COL11A2: variants seen among roughly 807,000 people sequenced by gnomAD.
The protein encoded by COL11A2 is collagen type XI alpha 2 chain.
COL11A2 carries 116 observed loss-of-function variants against 273.4 expected under a neutral mutation model. The observed-to-expected ratio is 0.42, with a 90% CI of 0.36 to 0.49. The LOEUF (loss-of-function observed/expected upper bound fraction) is 0.49, where lower values mean the gene tolerates loss of function less well. Ranked by LOEUF, COL11A2 falls within the 20% of genes least tolerant of loss-of-function variation. COL11A2 has a pLI of 0.00. For synonymous variants in COL11A2, 782 were observed against 864.2 expected (o/e 0.90, Z 1.67); for missense variants, 1,866 against 2,309.0 (o/e 0.81, Z 3.93).
chr6:33,164,542 G>A lies in COL11A2; in HGVS notation c.4864-69C>T, dbSNP rs1768813957. 10 of 1,318,852 alleles carry A rather than the reference G, an allele frequency of 7.6e-6. No homozygotes were observed. Among genetic ancestry groups the A allele is most frequent in the South Asian group, 4.4e-5 (3 of 68,162 alleles). The allele number at this position is 1,318,852 out of a possible 1,614,324, so 81.7% of individuals were successfully genotyped here. On this transcript the variant is annotated intron_variant, in intron 64 of 65. Coordinates refer to ENST00000341947, the MANE Select transcript of COL11A2 (RefSeq NM_080680.3). The surrounding 1 kb of genome is among the most constrained non-coding windows in gnomAD (Gnocchi z 4.7). ...GCTGGCCTCAGAGGGAGACAGAGAC[G>A]GGCCTCAGGAGCATCTACGGCACCA...
rs1562340237 is a variant in COL11A2, at chr6:33,173,830, T to C, written c.2583+43A>G. The C allele has an allele frequency of 6.2e-7, 1 of 1,612,876 alleles. No individual in the cohort carries two copies. On this transcript the variant is annotated intron_variant, in intron 34 of 65. Coordinates refer to ENST00000341947, the MANE Select transcript of COL11A2 (RefSeq NM_080680.3). This position sits in a 1 kb window ranked among gnomAD's most constrained non-coding sequence, Gnocchi z 6.3. ...CAGGATGTTGAGGGAGAGCTGGGGCTGAGTGGGCAGGGGGCAGTTGGAGCC... is the reference window on the plus strand; with the variant it reads ...CAGGATGTTGAGGGAGAGCTGGGGCCGAGTGGGCAGGGGGCAGTTGGAGCC...
chr6:33,188,975 T>C lies in COL11A2; in HGVS notation c.443+3A>G. ...GGCAGACCAGAGGAGCAAACAAACT[T>C]ACTTGCCATCTGCTAGGCTGAGGCC... On this transcript the variant is annotated splice_donor_region_variant and intron_variant, in intron 3 of 65. Coordinates refer to ENST00000341947, the MANE Select transcript of COL11A2 (RefSeq NM_080680.3). 1 of 1,614,170 alleles carries C rather than the reference T, an allele frequency of 6.2e-7. No individual in the cohort carries two copies. The highest frequency in any genetic ancestry group is 1.1e-5 in the South Asian group (1 of 91,086).
At chr6:33,172,442 G>GC (rs553521455) in intron 39 of COL11A2, 64 bp from the exon 40 acceptor site, 22 of 1,551,260 alleles carry the variant, frequency 1.4e-5, no homozygotes, top group Admixed American at 1.8e-5. Flanking sequence ...GAGCTCTCCA[G>GC]CCCCCCCTCA....
chr6:33,177,239 AAG>A lies in COL11A2; in HGVS notation c.1972-16_1972-15del, dbSNP rs769471035. 2.5e-6 allele frequency: 4 copies of A among 1,612,916 alleles called. No homozygotes were observed. On this transcript the variant is annotated splice_polypyrimidine_tract_variant and intron_variant, in intron 23 of 65. Transcript: ENST00000341947. The surrounding 1 kb of genome is among the most constrained non-coding windows in gnomAD (Gnocchi z 5.9). The stretch of plus-strand genomic sequence containing the variant: ...CCCGGGAAGACCCTACATACAGGGA[AAG>A]AGAAGTCACAGGGGCCTCCCAGGGT...
At position 33,188,407 on chromosome 6, in the gene COL11A2, T is replaced by A. The variant is rs1287181831; in HGVS notation, c.561A>T (p.Gly187=). The change falls in exon 4 of 66, where the codon GGA becomes GGT. Residue 187 remains glycine, a synonymous_variant. Coordinates refer to ENST00000341947, the MANE Select transcript of COL11A2 (RefSeq NM_080680.3). ...RSARPVLDTH[G]VIIFGARILD... is the part of the protein sequence containing the mutation. ...GAATACGGGCACCAAAGATGATCAC[T>A]CCATGGGTGTCCAATACTGGACGAG... The A allele has an allele frequency of 3.7e-6, 6 of 1,612,854 alleles. No homozygotes were observed. The highest frequency in any genetic ancestry group is 4.2e-6 in the Non-Finnish European group (5 of 1,180,024).
At position 33,178,767 on chromosome 6, in the gene COL11A2, G is replaced by C. The variant is rs768226038; in HGVS notation, c.1666-35C>G. 11 of 1,611,994 alleles carry C rather than the reference G, an allele frequency of 6.8e-6. No individual in the cohort carries two copies. Among genetic ancestry groups the C allele is most frequent in the Non-Finnish European group, 9.3e-6 (11 of 1,179,370 alleles). On this transcript the variant is annotated intron_variant, in intron 17 of 65. Transcript: ENST00000341947. The surrounding 1 kb of genome is among the most constrained non-coding windows in gnomAD (Gnocchi z 4.6). Reference sequence around the variant, plus strand: ...GGAAGGATAGCCAGAGTGAGGACACGACCCTGTCCAAGCCCACCCCTCCCT... The same window carrying C: ...GGAAGGATAGCCAGAGTGAGGACACCACCCTGTCCAAGCCCACCCCTCCCT...
chr6:33,172,023 C>T, intron 41 of COL11A2, 27 bp downstream of exon 41: 1 of 1,612,922 alleles, frequency 6.2e-7, no homozygotes. Context: ...CGGGTCCTTC[C>T]TACCACTTCC....
intron 12 of COL11A2, among the ~76,000 whole-genome samples, 173 bp downstream of exon 12, chr6:33,180,085 C>G (rs1170602326): frequency 1.3e-5 from 2 of 152,214 alleles, no homozygotes; most frequent in Non-Finnish European, 2.9e-5. Flanking sequence ...TGTTCTAGGT[C>G]ACCTAATGAG....
rs893537119 is a variant in COL11A2, at chr6:33,178,260, T to C, written c.1818+48A>G. 6.2e-7 allele frequency: 1 copy of C among 1,612,746 alleles called. No individual in the cohort carries two copies. The highest frequency in any genetic ancestry group is 8.5e-7 in the Non-Finnish European group (1 of 1,179,886). On this transcript the variant is annotated intron_variant, in intron 20 of 65. Coordinates refer to ENST00000341947, the MANE Select transcript of COL11A2 (RefSeq NM_080680.3). This position sits in a 1 kb window ranked among gnomAD's most constrained non-coding sequence, Gnocchi z 4.6. ...CCCTTTAGTGCTCATGTCCCCCTCC[T>C]GGCTTCCCCAGAGCCCCCTCCCCCA...
At chr6:33,192,587 G>T, upstream of COL11A2, 1 of 433,440 alleles carries the variant, frequency 2.3e-6, no homozygotes, top group Admixed American at 3.9e-5. Flanking sequence ...CTCCACCTGG[G>T]GAGGGAGGCG....
Position 33,183,894 on chromosome 6 carries a change from A to AT in COL11A2, c.1119+250dup, listed in dbSNP as rs879868865. ...CAAGAAAGACAGGAAGTGGCTACATATTTTTTTTTTTTAATTCCCAATTGC... is the reference window on the plus strand; with the variant it reads ...CAAGAAAGACAGGAAGTGGCTACATATTTTTTTTTTTTTAATTCCCAATTGC... On this transcript the variant is annotated intron_variant, in intron 8 of 65. Transcript: ENST00000341947. 1.1e-3 allele frequency among the ~76,000 whole-genome samples: 160 copies of AT among 147,864 alleles called. 2 individuals are homozygous for AT. Among genetic ancestry groups the AT allele is most frequent in the African/African-American group, 3.4e-3 (139 of 40,588 alleles).
chr6:33,182,238 T>C (rs1256898097), intron 8 of COL11A2, among the ~76,000 whole-genome samples: 2 of 151,706 alleles, frequency 1.3e-5, no homozygotes, highest in African/African-American at 4.8e-5. Flanking sequence ...TATGCCATCG[T>C]ACTCCAGCCT....
chr6:33,181,483 C>CT (rs993073250), intron 8 of COL11A2, among the ~76,000 whole-genome samples: 17 of 151,224 alleles, frequency 1.1e-4, no homozygotes, highest in South Asian at 4.2e-4. Context: ...GTTTGTTTTT[C>CT]TTTTTTTTTG....
In COL11A2 at chr6:33,188,467, G is replaced by A. The variant is rs779601863; in HGVS notation, c.501C>T (p.Cys167=). The change falls in exon 4 of 66, where the codon TGC becomes TGT. Residue 167 remains cysteine (C), a synonymous_variant. Transcript: ENST00000341947. ...KGQSVTLIVD[C]KKRVTRPLPR... ...GGAGAGGCCGGGTGACTCGCTTCTT[G>A]CAGTCAACAATGAGGGTGACAGACT... 8.1e-6 allele frequency: 13 copies of A among 1,613,046 alleles called. No homozygotes were observed. Among genetic ancestry groups the A allele is most frequent in the Non-Finnish European group, 1.1e-5 (13 of 1,180,026 alleles).
In COL11A2 at chr6:33,178,944, C is replaced by T. The variant is rs145679043; in HGVS notation, c.1641G>A (p.Gly547=). 1.2e-6 allele frequency: 2 copies of T among 1,614,124 alleles called. No homozygotes were observed. The highest frequency in any genetic ancestry group is 1.1e-5 in the South Asian group (1 of 91,086). The change falls in exon 17 of 66, where the codon GGG becomes GGA. Residue 547 remains glycine (G), a synonymous_variant. Transcript: ENST00000341947. This position sits in a 1 kb window ranked among gnomAD's most constrained non-coding sequence, Gnocchi z 4.6. ...CCTTCACTCCAGGATCTCCAGGCAT[C>T]CCTCGGGCTCCATCAGCACCTGCCC... ...RGRAGADGAR[G]MPGDPGVKGD... is the part of the protein sequence containing the mutation.
At position 33,186,820 on chromosome 6, in the gene COL11A2, T is replaced by A. The variant is rs1280126526; in HGVS notation, c.607-2A>T. On this transcript the variant is annotated splice_acceptor_variant, in intron 4 of 65. Coordinates refer to ENST00000341947, the MANE Select transcript of COL11A2 (RefSeq NM_080680.3). LOFTEE classifies it high-confidence loss of function. Reference sequence around the variant, plus strand: ...AATGGCCAGCTCCTGGACATCACCCTGCAAAGACATGAGAGAGATGGAGCG... The same window carrying A: ...AATGGCCAGCTCCTGGACATCACCCAGCAAAGACATGAGAGAGATGGAGCG... 1.9e-6 allele frequency: 3 copies of A among 1,613,800 alleles called. No individual in the cohort carries two copies. Among genetic ancestry groups the A allele is most frequent in the Non-Finnish European group, 2.5e-6 (3 of 1,180,018 alleles).
In COL11A2 at chr6:33,164,477, G is replaced by T. The variant is rs765730479; in HGVS notation, c.4864-4C>A. On this transcript the variant is annotated splice_region_variant and splice_polypyrimidine_tract_variant and intron_variant, in intron 64 of 65. Coordinates refer to ENST00000341947, the MANE Select transcript of COL11A2 (RefSeq NM_080680.3). The surrounding 1 kb of genome is among the most constrained non-coding windows in gnomAD (Gnocchi z 4.7). Reference sequence around the variant, plus strand: ...CCTCTGAGTCCACGTAAGAGAACTGGAAGGAGAGAGAGGGCTGGCCTCAGA... The same window carrying T: ...CCTCTGAGTCCACGTAAGAGAACTGTAAGGAGAGAGAGGGCTGGCCTCAGA... 6.5e-7 allele frequency: 1 copy of T among 1,535,400 alleles called. No individual in the cohort carries two copies. The highest frequency in any genetic ancestry group is 1.4e-5 in the African/African-American group (1 of 73,024).
rs749315069 is a variant in COL11A2 at position 33,177,619 on chromosome 6, C to T, written c.1917+43G>A. The T allele has an allele frequency of 6.2e-6, 10 of 1,611,002 alleles. No homozygotes were observed. The highest frequency in any genetic ancestry group is 1.7e-4 in the Middle Eastern group (1 of 6,050). Reference sequence around the variant, plus strand: ...GCCAACAGGATGCTGGCAGGGACCTCGGGGGATAAGAATGGGGGTGGGATC... The same window carrying T: ...GCCAACAGGATGCTGGCAGGGACCTTGGGGGATAAGAATGGGGGTGGGATC... On this transcript the variant is annotated intron_variant, in intron 22 of 65. Coordinates refer to ENST00000341947, the MANE Select transcript of COL11A2 (RefSeq NM_080680.3). This position sits in a 1 kb window ranked among gnomAD's most constrained non-coding sequence, Gnocchi z 5.9.
chr6:33,167,891 GGGCA>G lies in COL11A2; in HGVS notation c.3961-43_3961-40del, dbSNP rs1240330569. 6.2e-7 allele frequency: 1 copy of G among 1,609,820 alleles called. No individual in the cohort carries two copies. The highest frequency in any genetic ancestry group is 2.2e-5 in the East Asian group (1 of 44,814). On this transcript the variant is annotated intron_variant, in intron 54 of 65. Transcript: ENST00000341947. This position sits in a 1 kb window ranked among gnomAD's most constrained non-coding sequence, Gnocchi z 6.1. ...GGGAAGGAAGAGCACATGAGGCCGT[GGGCA>G]GCCAGGCTCAACTCTTCCCCCTTCC...
Sources: allele counts gnomAD v4.1 joint callset (sites outside exome capture counted in the v4.1 genomes callset), GRCh38; gene constraint gnomAD v4.1.1; non-coding constraint Gnocchi (gnomAD v3.1); transcripts MANE v1.5; gene names NCBI Gene and HGNC (gene_info 2026-07-23, HGNC 2026-07-21).